Variants in PIK3CG observed in about 807,000 individuals in gnomAD.
PIK3CG encodes phosphatidylinositol-4,5-bisphosphate 3-kinase catalytic subunit gamma, also known as phosphatidylinositol 4,5-bisphosphate 3-kinase catalytic subunit gamma isoform.
A neutral mutation model predicts 102.3 loss-of-function variants in PIK3CG; 55 were observed. The observed-to-expected ratio is 0.54, with a 90% confidence interval of 0.43 to 0.67. The LOEUF (loss-of-function observed/expected upper bound fraction) is 0.67. Among genes scored for constraint, PIK3CG ranks in the 30% least tolerant of loss-of-function variants. PIK3CG has a pLI of 0.00. For missense variants in PIK3CG, 1,258 were observed against 1,391.8 expected (o/e 0.90, Z 1.53); for synonymous variants, 552 against 540.0 (o/e 1.02, Z -0.31).
rs1334144616 is a variant in PIK3CG, at chr7:106,906,715, GA to G, written c.*1335del. ...TTACCTGTAGCTAATACATTACATA[GA>G]AAAAAACTATGTTAACAGTGTCTCT... is the stretch of plus-strand genomic sequence containing the variant. On this transcript the variant is annotated 3_prime_UTR_variant, in exon 11 of 11. Coordinates refer to ENST00000496166, the MANE Select transcript of PIK3CG (RefSeq NM_001282426.2). 3 of 224,656 alleles carry G rather than the reference GA, an allele frequency of 1.3e-5. No individual in the cohort carries two copies. The highest frequency in any genetic ancestry group is 5.7e-5 in the Admixed American group (1 of 17,396). 13.9% of individuals were successfully genotyped at this position (224,656 alleles called of 1,614,324 possible).
chr7:106,906,120 C>A lies in PIK3CG; in HGVS notation c.*733C>A. The A allele has an allele frequency of 4.4e-6, 1 of 227,082 alleles. No individual in the cohort carries two copies. Among genetic ancestry groups the A allele is most frequent in the Non-Finnish European group, 8.7e-6 (1 of 115,194 alleles). 14.1% of individuals were successfully genotyped at this position (227,082 alleles called of 1,614,324 possible). A position where few individuals can be genotyped will look rare whatever the true frequency, so the allele number is the denominator to read the frequency against. On this transcript the variant is annotated 3_prime_UTR_variant, in exon 11 of 11. Coordinates refer to ENST00000496166, the MANE Select transcript of PIK3CG (RefSeq NM_001282426.2). ...TCTAGTATGATTAGTATAGCTTTCT[C>A]CAGCATGGCAGCAGGAAGTAACTAC... is the stretch of plus-strand genomic sequence containing the variant.
At chr7:106,898,826 T>C (rs1332571419) in intron 10 of PIK3CG, among the ~76,000 whole-genome samples, 2 of 152,234 alleles carry the variant, frequency 1.3e-5, no homozygotes, top group Non-Finnish European at 2.9e-5. Context: ...AGATTTGTTC[T>C]TTTTGCTTAG....
In PIK3CG at chr7:106,886,799, T is replaced by C. The variant is rs970426652; in HGVS notation, c.3030+507T>C. Among the ~76,000 whole-genome samples, 33 of 152,338 alleles carry C rather than the reference T, an allele frequency of 2.2e-4. No homozygotes were observed. The East Asian group carries it at 6.2e-3, about 28-fold the overall frequency. On this transcript the variant is annotated intron_variant, in intron 10 of 10. Coordinates refer to ENST00000496166, the MANE Select transcript of PIK3CG (RefSeq NM_001282426.2). Reference sequence around the variant, plus strand: ...AATACCCAATATTTCATTTGAAATCTTGTTGGTTTGACCACAAGTTCTACT... The same window carrying C: ...AATACCCAATATTTCATTTGAAATCCTGTTGGTTTGACCACAAGTTCTACT...
At position 106,883,457 on chromosome 7, in the gene PIK3CG, GCTAT is replaced by G. The variant is rs1373155226; in HGVS notation, c.2760+299_2760+302del. Among the ~76,000 whole-genome samples the G allele has an allele frequency of 4.6e-5, 7 of 152,094 alleles. No homozygotes were observed. Among genetic ancestry groups the G allele is most frequent in the Admixed American group, 2.6e-4 (4 of 15,262 alleles). On this transcript the variant is annotated intron_variant, in intron 8 of 10. Coordinates refer to ENST00000496166, the MANE Select transcript of PIK3CG (RefSeq NM_001282426.2). The surrounding 1 kb of genome is among the most constrained non-coding windows in gnomAD (Gnocchi z 5.8). Reference sequence around the variant, plus strand: ...AAATAATCTGTTAGCACTTTTTATGGCTATCTATTTTTGTTGTTCAGCCAAGATA... The same window carrying G: ...AAATAATCTGTTAGCACTTTTTATGGCTATTTTTGTTGTTCAGCCAAGATA...
Position 106,894,602 on chromosome 7 carries a change from T to C in PIK3CG, c.3030+8310T>C, listed in dbSNP as rs1463014460. Among the ~76,000 whole-genome samples the C allele has an allele frequency of 6.6e-6, 1 of 152,234 alleles. No homozygotes were observed. The highest frequency in any genetic ancestry group is 1.5e-5 in the Non-Finnish European group (1 of 68,038). Reference sequence around the variant, plus strand: ...AAAGACTGGCTAGCCAATGCATTGATTTTTATTAAAAAAACAAAATAACAA... The same window carrying C: ...AAAGACTGGCTAGCCAATGCATTGACTTTTATTAAAAAAACAAAATAACAA... On this transcript the variant is annotated intron_variant, in intron 10 of 10. Coordinates refer to ENST00000496166, the MANE Select transcript of PIK3CG (RefSeq NM_001282426.2). The surrounding 1 kb of genome is among the most constrained non-coding windows in gnomAD (Gnocchi z 4.4).
intron 10 of PIK3CG, among the ~76,000 whole-genome samples, chr7:106,889,389 T>G (rs1290191205): frequency 1.3e-5 from 2 of 152,158 alleles, no homozygotes; most frequent in Non-Finnish European, 2.9e-5. Context: ...TCCAAAAAGA[T>G]TTTCTGTTTC....
rs533928881 is a variant in PIK3CG at position 106,868,195 on chromosome 7, T to G, written c.634T>G (p.Trp212Gly). 3 of 1,612,378 alleles carry G rather than the reference T, an allele frequency of 1.9e-6. No individual in the cohort carries two copies. Among genetic ancestry groups the G allele is most frequent in the South Asian group, 1.1e-5 (1 of 91,086 alleles). ...GTCCAAGCCCCTCCCGGAGTACCTG[T>G]GGAAGAAGATTGCCAACAACTGCAT... Reference protein sequence around the residue: ...VTSKPLPEYLWKKIANNCIFI... With the variant: ...VTSKPLPEYLGKKIANNCIFI... The change falls in exon 2 of 11, where the codon TGG becomes GGG. Residue 212 changes from tryptophan (W) to glycine (G), a missense_variant. Physicochemically the swap from Trp to Gly is radical, Grantham distance 184. Coordinates refer to ENST00000496166, the MANE Select transcript of PIK3CG (RefSeq NM_001282426.2). The surrounding 1 kb of genome is among the most constrained non-coding windows in gnomAD (Gnocchi z 6.2).
chr7:106,908,665 G>C lies in PIK3CG; in HGVS notation c.*3278G>C, dbSNP rs116947423. Among the ~76,000 whole-genome samples the C allele has an allele frequency of 7.4e-4, 113 of 152,166 alleles. No individual in the cohort carries two copies. The highest frequency in any genetic ancestry group is 1.2e-3 in the Non-Finnish European group (82 of 68,002). ...AGTAAATATATCTTTTTCAGGTGATGAATTATTTTTTTAAAAAAGGTTACA... is the reference window on the plus strand; with the variant it reads ...AGTAAATATATCTTTTTCAGGTGATCAATTATTTTTTTAAAAAAGGTTACA... On this transcript the variant is annotated 3_prime_UTR_variant, in exon 11 of 11. Transcript: ENST00000496166. The surrounding 1 kb of genome is among the most constrained non-coding windows in gnomAD (Gnocchi z 4.1).
rs189716325 is a variant in PIK3CG at position 106,881,868 on chromosome 7, A to G, written c.2539-249A>G. On this transcript the variant is annotated intron_variant, in intron 6 of 10. Transcript: ENST00000496166. ...CCATCTACAAAACAAAAACAAAAACAAAACAAAACAAGAAATGTATTTATC... is the reference window on the plus strand; with the variant it reads ...CCATCTACAAAACAAAAACAAAAACGAAACAAAACAAGAAATGTATTTATC... Among the ~76,000 whole-genome samples the G allele has an allele frequency of 2.2e-4, 33 of 152,256 alleles. No individual in the cohort carries two copies. The East Asian group carries it at 4.1e-3, about 19-fold the overall frequency.
intron 2 of PIK3CG, among the ~76,000 whole-genome samples, chr7:106,870,157 G>T (rs1037307835): frequency 2.0e-5 from 3 of 152,164 alleles, no homozygotes; most frequent in Non-Finnish European, 4.4e-5. Context: ...AGAGATAAAA[G>T]GTCTTATTCT....
In PIK3CG at chr7:106,870,338, TAAAG is replaced by T. The variant is rs562374770; in HGVS notation, c.1995+789_1995+792del. Among the ~76,000 whole-genome samples the T allele has an allele frequency of 9.1e-4, 138 of 152,312 alleles. 1 individual carries two copies. Among genetic ancestry groups the T allele is most frequent in the Admixed American group, 6.5e-3 (99 of 15,300 alleles). The stretch of plus-strand genomic sequence containing the variant: ...TTTTTCTAAGGTTTAGTTAAGAAGT[TAAAG>T]AAAGAAGGGGGAACAGTTCCCCTGC... On this transcript the variant is annotated intron_variant, in intron 2 of 10. Coordinates refer to ENST00000496166, the MANE Select transcript of PIK3CG (RefSeq NM_001282426.2).
In PIK3CG at chr7:106,892,690, A is replaced by G. The variant is rs1421327116; in HGVS notation, c.3030+6398A>G. ...CTTACACAACTTTGTGCCAAGAAAT[A>G]CCTTGTGCTAAGAGTGTCCACAGTG... On this transcript the variant is annotated intron_variant, in intron 10 of 10. Transcript: ENST00000496166. This position sits in a 1 kb window ranked among gnomAD's most constrained non-coding sequence, Gnocchi z 5.2. Among the ~76,000 whole-genome samples, 1 of 152,192 alleles carries G rather than the reference A, an allele frequency of 6.6e-6. No individual in the cohort carries two copies. The highest frequency in any genetic ancestry group is 1.5e-5 in the Non-Finnish European group (1 of 68,018).
intron 10 of PIK3CG, among the ~76,000 whole-genome samples, chr7:106,901,875 C>T: frequency 6.6e-6 from 1 of 152,148 alleles, no homozygotes; most frequent in Non-Finnish European, 1.5e-5. Flanking sequence ...CAGCAGGTGG[C>T]ACTTAGGCTT....
At position 106,867,523 on chromosome 7, in the gene PIK3CG, C is replaced by A. The variant is rs1294320849; in HGVS notation, c.-12-27C>A. ...TAAGGGGAAAGTGCCTTTCTTGTGA[C>A]AAATCCCTGTGTCCCTCCGCTCCCA... On this transcript the variant is annotated intron_variant, in intron 1 of 10. Coordinates refer to ENST00000496166, the MANE Select transcript of PIK3CG (RefSeq NM_001282426.2). This position sits in a 1 kb window ranked among gnomAD's most constrained non-coding sequence, Gnocchi z 5.1. 5 of 1,517,082 alleles carry A rather than the reference C, an allele frequency of 3.3e-6. No individual in the cohort carries two copies. The highest frequency in any genetic ancestry group is 3.5e-6 in the Non-Finnish European group (4 of 1,133,454). 94.0% of individuals were successfully genotyped at this position (1,517,082 alleles called of 1,614,324 possible).
Position 106,877,438 on chromosome 7 carries a change from T to G in PIK3CG, c.2392-2081T>G, listed in dbSNP as rs181504626. On this transcript the variant is annotated intron_variant, in intron 5 of 10. Transcript: ENST00000496166. The surrounding 1 kb of genome is among the most constrained non-coding windows in gnomAD (Gnocchi z 4.5). ...GGCAACAGTGCCAAGGTTAAGAAAT[T>G]CTGGTTTAACTCAATGTGGCAGATA... Among the ~76,000 whole-genome samples the G allele has an allele frequency of 4.1e-4, 62 of 152,250 alleles. No individual in the cohort carries two copies. The highest frequency in any genetic ancestry group is 4.9e-4 in the Non-Finnish European group (33 of 68,022).
chr7:106,882,464 C>G, intron 7 of PIK3CG: 1 of 285,266 alleles, frequency 3.5e-6, no homozygotes, highest in African/African-American at 2.2e-5. Context: ...CTTTCCTTCT[C>G]CATCTCTAAA....
rs764426331 is a variant in PIK3CG at position 106,880,620 on chromosome 7, T to C, written c.2538+955T>C. Among the ~76,000 whole-genome samples the C allele has an allele frequency of 1.3e-5, 2 of 152,228 alleles. No individual in the cohort carries two copies. The highest frequency in any genetic ancestry group is 2.9e-5 in the Non-Finnish European group (2 of 68,038). On this transcript the variant is annotated intron_variant, in intron 6 of 10. Transcript: ENST00000496166. This position sits in a 1 kb window ranked among gnomAD's most constrained non-coding sequence, Gnocchi z 4.2. ...CTTTAAAAACACAAAAATTACCCTG[T>C]TGGTCCTCTCATTTTGAGTGAAAGT...
chr7:106,898,644 C>T (rs555053416), intron 10 of PIK3CG, among the ~76,000 whole-genome samples: 3 of 152,254 alleles, frequency 2.0e-5, no homozygotes, highest in African/African-American at 7.2e-5. Context: ...GAGTCTTTTC[C>T]TTGTTGCTTG....
rs1390725003 is a variant in PIK3CG, at chr7:106,897,712, C to T, written c.3031-7397C>T. Reference sequence around the variant, plus strand: ...CATGTTCCCGCAAAAGACATGATCTCATTCTTTTTTATGGCTGCATAGTAT... The same window carrying T: ...CATGTTCCCGCAAAAGACATGATCTTATTCTTTTTTATGGCTGCATAGTAT... On this transcript the variant is annotated intron_variant, in intron 10 of 10. Coordinates refer to ENST00000496166, the MANE Select transcript of PIK3CG (RefSeq NM_001282426.2). The surrounding 1 kb of genome is among the most constrained non-coding windows in gnomAD (Gnocchi z 4.6). 6.6e-6 allele frequency among the ~76,000 whole-genome samples: 1 copy of T among 152,186 alleles called. No individual in the cohort carries two copies.
Sources: allele counts gnomAD v4.1 joint callset (sites outside exome capture counted in the v4.1 genomes callset), GRCh38; gene constraint gnomAD v4.1.1; non-coding constraint Gnocchi (gnomAD v3.1); transcripts MANE v1.5; gene names NCBI Gene and HGNC (gene_info 2026-07-23, HGNC 2026-07-21).